Variants in PRKN observed in about 807,000 individuals in gnomAD.
The protein encoded by PRKN is E3 ubiquitin-protein ligase parkin.
PRKN carries 56 observed loss-of-function variants against 59.5 expected under a neutral mutation model. The observed-to-expected ratio is 0.94, with a 90% CI of 0.76 to 1.18. The LOEUF is 1.18. Ranked by LOEUF, PRKN falls within the 50% of genes most tolerant of loss-of-function variation. PRKN has a pLI of 0.00. For missense variants in PRKN, 657 were observed against 596.4 expected (o/e 1.10, Z -1.06); for synonymous variants, 250 against 222.1 (o/e 1.13, Z -1.12).
intron 5 of PRKN, among the ~76,000 whole-genome samples, chr6:162,047,183 G>A (rs975059227): frequency 1.3e-5 from 2 of 152,182 alleles, no homozygotes; most frequent in Non-Finnish European, 2.9e-5. Flanking sequence ...GGCAGGCAGA[G>A]CATTTCTCTT....
At chr6:162,139,828 GC>G (rs1238561298) in intron 4 of PRKN, among the ~76,000 whole-genome samples, 3 of 151,630 alleles carry the variant, frequency 2.0e-5, no homozygotes, top group Non-Finnish European at 4.4e-5. Flanking sequence ...GAAGGTGCCT[GC>G]CTGCAAGCCT....
At chr6:162,028,583 T>C (rs113865255) in intron 5 of PRKN, among the ~76,000 whole-genome samples, 1 of 152,310 alleles carries the variant, frequency 6.6e-6, no homozygotes, top group Non-Finnish European at 1.5e-5. Flanking sequence ...GCTGCTTCCT[T>C]TGAGAGACTC....
At chr6:161,398,868 GA>G (rs1188008814) in intron 9 of PRKN, among the ~76,000 whole-genome samples, 6 of 152,134 alleles carry the variant, frequency 3.9e-5, no homozygotes, top group Non-Finnish European at 7.3e-5. Flanking sequence ...AGGAGACAGG[GA>G]AATATTGGGT....
At chr6:162,511,099 T>G (rs2128190409) in intron 1 of PRKN, among the ~76,000 whole-genome samples, 1 of 152,270 alleles carries the variant, frequency 6.6e-6, no homozygotes, top group Middle Eastern at 3.4e-3. Flanking sequence ...TTTTTCATGA[T>G]TGAGATCTTA....
Position 161,405,131 on chromosome 6 carries a change from G to A in PRKN, c.1084-18254C>T, listed in dbSNP as rs1057496559. 1.3e-5 allele frequency among the ~76,000 whole-genome samples: 2 copies of A among 152,090 alleles called. No homozygotes were observed. Among genetic ancestry groups the A allele is most frequent in the African/African-American group, 4.8e-5 (2 of 41,390 alleles). The stretch of plus-strand genomic sequence containing the variant: ...ATTTATCTCTCCAAATATCTCACAG[G>A]CCTTTACTTTATTATGGGCCAGGAA... On this transcript the variant is annotated intron_variant, in intron 9 of 11. Transcript: ENST00000366898. The surrounding 1 kb of genome is among the most constrained non-coding windows in gnomAD (Gnocchi z 5.1).
intron 2 of PRKN, among the ~76,000 whole-genome samples, chr6:162,431,622 TC>T (rs1431539454): frequency 6.6e-6 from 1 of 152,090 alleles, no homozygotes; most frequent in Non-Finnish European, 1.5e-5. Context: ...TAAGTAAAAC[TC>T]ATTTATTTAA....
At chr6:161,679,740 G>GTTT (rs1785238904) in intron 7 of PRKN, among the ~76,000 whole-genome samples, 1 of 51,196 alleles carries the variant, frequency 2.0e-5, no homozygotes, top group African/African-American at 8.8e-5. Flanking sequence ...TTCAGAGCCA[G>GTTT]CTTTTTTTTT....
intron 6 of PRKN, among the ~76,000 whole-genome samples, chr6:161,848,471 C>T (rs530108062): frequency 2.6e-5 from 4 of 152,124 alleles, no homozygotes; most frequent in Admixed American, 2.0e-4. Context: ...GTTTAACATG[C>T]GTGATATATA....
At chr6:162,711,546 T>C (rs1281014893) in intron 1 of PRKN, among the ~76,000 whole-genome samples, 2 of 152,046 alleles carry the variant, frequency 1.3e-5, no homozygotes, top group African/African-American at 4.8e-5. Context: ...CAAACACAGA[T>C]TGCTTCAACA....
chr6:162,001,253 T>C (rs1427895492), intron 5 of PRKN, among the ~76,000 whole-genome samples: 1 of 152,092 alleles, frequency 6.6e-6, no homozygotes, highest in African/African-American at 2.4e-5. Flanking sequence ...ATTCTGACAA[T>C]ATTGAGTCCT....
intron 8 of PRKN, among the ~76,000 whole-genome samples, chr6:161,559,689 C>T (rs1394294873): frequency 2.0e-5 from 3 of 152,024 alleles, no homozygotes; most frequent in Non-Finnish European, 4.4e-5. Context: ...GAAGCAACTG[C>T]GATGGTTTCT....
chr6:161,863,483 G>A (rs1793989691), intron 6 of PRKN, among the ~76,000 whole-genome samples: 1 of 152,192 alleles, frequency 6.6e-6, no homozygotes, highest in South Asian at 2.1e-4. Flanking sequence ...TCCTGTGTGT[G>A]TACTGTACAA....
At chr6:162,584,054 A>G (rs1780898856) in intron 1 of PRKN, among the ~76,000 whole-genome samples, 1 of 152,056 alleles carries the variant, frequency 6.6e-6, no homozygotes, top group Non-Finnish European at 1.5e-5. Flanking sequence ...TCTACTAAAA[A>G]TACAAAAAAT....
intron 1 of PRKN, among the ~76,000 whole-genome samples, chr6:162,472,473 T>TATATATATATATATATATA (rs1562790180): frequency 1.2e-5 from 1 of 83,844 alleles, no homozygotes; most frequent in African/African-American, 3.7e-5. Context: ...TTTTATTTTA[T>TATATATATATATATATATA]TTTATTTTAT....
At chr6:162,566,639 T>TA (rs1406117747) in intron 1 of PRKN, among the ~76,000 whole-genome samples, 1 of 152,028 alleles carries the variant, frequency 6.6e-6, no homozygotes, top group East Asian at 1.9e-4. Context: ...AAAGCCATAA[T>TA]AAAAAATCTT....
rs544119314 is a variant in PRKN at position 162,414,503 on chromosome 6, C to G, written c.171+28807G>C. On this transcript the variant is annotated intron_variant, in intron 2 of 11. Transcript: ENST00000366898. ...CGGCTGGATCACGAGGTCAGGAGAT[C>G]AAGACCATCCTGGCTAACATGGTGA... is the stretch of plus-strand genomic sequence containing the variant. Among the ~76,000 whole-genome samples, 8 of 151,426 alleles carry G rather than the reference C, an allele frequency of 5.3e-5. No homozygotes were observed. In the South Asian group the frequency reaches 1.5e-3, roughly 28 times the overall value.
At position 161,951,015 on chromosome 6, in the gene PRKN, A is replaced by ATT. The variant is rs372714967; in HGVS notation, c.734+22285_734+22286dup. On this transcript the variant is annotated intron_variant, in intron 6 of 11. Transcript: ENST00000366898. ...GAAAGAAAATCATCAATAAATTATA[A>ATT]TTTTTTTTTACATGTCAAAGAGGAA... Among the ~76,000 whole-genome samples, 23 of 100,664 alleles carry ATT rather than the reference A, an allele frequency of 2.3e-4. 1 individual carries two copies. Among genetic ancestry groups the ATT allele is most frequent in the African/African-American group, 1.1e-3 (22 of 20,212 alleles). 66.0% of individuals were successfully genotyped at this position (100,664 alleles called of 152,430 possible).
intron 3 of PRKN, among the ~76,000 whole-genome samples, chr6:162,259,981 T>A (rs962516392): frequency 1.3e-5 from 2 of 152,228 alleles, no homozygotes; most frequent in African/African-American, 2.4e-5. Flanking sequence ...GCTGTTAGTT[T>A]AACACAGAGT....
chr6:161,966,550 G>T (rs1780589186), intron 6 of PRKN, among the ~76,000 whole-genome samples: 2 of 152,116 alleles, frequency 1.3e-5, no homozygotes, highest in African/African-American at 4.8e-5. Context: ...AACTTCTATT[G>T]GAAAGACTAA....
Sources: gnomAD v4.1 joint callset for allele counts (sites outside exome capture counted in the v4.1 genomes callset) on GRCh38, gnomAD v4.1.1 for gene constraint, Gnocchi (gnomAD v3.1) non-coding constraint, MANE v1.5 for transcripts, NCBI Gene and HGNC (gene_info 2026-07-23, HGNC 2026-07-21) for gene names.